ASAP2: variants seen among roughly 807,000 people sequenced by gnomAD.
ASAP2 encodes the protein arf-GAP with SH3 domain, ANK repeat and PH domain-containing protein 2.
A neutral mutation model predicts 131.4 loss-of-function variants in ASAP2; 45 were observed. The ratio of observed to expected loss-of-function variants is 0.34; its 90% CI spans 0.27 to 0.44. The LOEUF is 0.44. ASAP2 is among the 20% of genes least tolerant of loss of function. The pLI, the probability that ASAP2 is intolerant of heterozygous loss-of-function variation, is 1.00. For synonymous variants in ASAP2, 510 were observed against 503.0 expected, an observed-to-expected ratio of 1.01 and a Z score of -0.19; for missense variants, 1,011 against 1,297.0, an observed-to-expected ratio of 0.78 and a Z score of 3.39.
chr2:9,225,085 A>G (rs1429974424), intron 1 of ASAP2, among the ~76,000 whole-genome samples: 1 of 152,252 alleles, frequency 6.6e-6, no homozygotes, highest in South Asian at 2.1e-4. Flanking sequence ...CTGTTTTTGT[A>G]TGCAAAAAGT....
chr2:9,330,241 GAA>G (rs1670743527), intron 7 of ASAP2, among the ~76,000 whole-genome samples: 1 of 152,308 alleles, frequency 6.6e-6, no homozygotes, highest in Middle Eastern at 3.4e-3. Context: ...TTAAAAAAAA[GAA>G]GAGTGAAATC....
chr2:9,218,360 A>C (rs1662198452), intron 1 of ASAP2, among the ~76,000 whole-genome samples: 1 of 152,210 alleles, frequency 6.6e-6, no homozygotes, highest in African/African-American at 2.4e-5. Flanking sequence ...GACCTTGACC[A>C]ATTGGCCTCC....
chr2:9,234,771 G>C (rs573599952), intron 1 of ASAP2, among the ~76,000 whole-genome samples: 1 of 152,212 alleles, frequency 6.6e-6, no homozygotes, highest in Non-Finnish European at 1.5e-5. Flanking sequence ...CTCTGGGGCC[G>C]ATGCACAGGG....
intron 2 of ASAP2, among the ~76,000 whole-genome samples, chr2:9,282,245 A>G (rs569973062): frequency 9.2e-5 from 14 of 152,244 alleles, no homozygotes; most frequent in Admixed American, 9.2e-4. Flanking sequence ...TGTCATGCCA[A>G]GTTTGAGTTA....
intron 19 of ASAP2, among the ~76,000 whole-genome samples, chr2:9,379,268 C>T (rs1033922537): frequency 4.6e-5 from 7 of 152,202 alleles, no homozygotes; most frequent in Non-Finnish European, 1.0e-4. Flanking sequence ...AGACTTTGGG[C>T]GCGTTTACAG....
intron 1 of ASAP2, among the ~76,000 whole-genome samples, chr2:9,258,665 G>A (rs868120341): frequency 1.2e-4 from 18 of 152,268 alleles, no homozygotes; most frequent in Non-Finnish European, 2.4e-4. Flanking sequence ...TTGAGCAGGC[G>A]AAACCCCCGG....
chr2:9,397,402 A>G (rs1033712387), intron 24 of ASAP2, among the ~76,000 whole-genome samples: 10 of 152,162 alleles, frequency 6.6e-5, no homozygotes, highest in African/African-American at 2.4e-4. Flanking sequence ...GACTGGCAGG[A>G]AAAAGGGAAG....
intron 2 of ASAP2, among the ~76,000 whole-genome samples, chr2:9,295,957 T>G (rs190767022): frequency 1.9e-3 from 283 of 152,306 alleles, no homozygotes; most frequent in African/African-American, 6.5e-3. Context: ...AAATGTTCCC[T>G]CGTTTTCCCA....
At chr2:9,362,654 C>A (rs1035582469) in intron 15 of ASAP2, among the ~76,000 whole-genome samples, 1 of 152,078 alleles carries the variant, frequency 6.6e-6, no homozygotes, top group Non-Finnish European at 1.5e-5. Context: ...GCCTGACCAA[C>A]ATAGGGAGAC....
chr2:9,383,680 A>G (rs1675041072), intron 20 of ASAP2, among the ~76,000 whole-genome samples: 3 of 152,210 alleles, frequency 2.0e-5, no homozygotes. Flanking sequence ...CAAGTTCCCT[A>G]ACAAGAACAG....
intron 7 of ASAP2, among the ~76,000 whole-genome samples, chr2:9,330,718 G>A (rs192233877): frequency 6.6e-6 from 1 of 152,184 alleles, no homozygotes; most frequent in Admixed American, 6.5e-5. Flanking sequence ...GAAGTGGGTC[G>A]CTTCCTTGCT....
At chr2:9,260,953 G>A (rs1665537395) in intron 1 of ASAP2, among the ~76,000 whole-genome samples, 1 of 152,162 alleles carries the variant, frequency 6.6e-6, no homozygotes, top group East Asian at 1.9e-4. Flanking sequence ...GGTTAGGGGG[G>A]TTGTGCCTGT....
chr2:9,316,765 T>G (rs928471520), intron 3 of ASAP2, among the ~76,000 whole-genome samples: 1 of 152,100 alleles, frequency 6.6e-6, no homozygotes, highest in Non-Finnish European at 1.5e-5. Context: ...ACCTGTTGGT[T>G]AGGAGGCTTC....
At chr2:9,299,683 G>C (rs973913991) in intron 3 of ASAP2, among the ~76,000 whole-genome samples, 9 of 152,218 alleles carry the variant, frequency 5.9e-5, no homozygotes, top group African/African-American at 2.2e-4. Flanking sequence ...CGACGTAGGA[G>C]ACGGGTGGAG....
intron 1 of ASAP2, among the ~76,000 whole-genome samples, chr2:9,215,484 C>G (rs1661954390): frequency 6.6e-6 from 1 of 151,804 alleles, no homozygotes. Context: ...ATGTTCATAT[C>G]TTTTATTGCA....
intron 1 of ASAP2, chr2:9,271,284 T>A (rs904668814): frequency 3.8e-6 from 3 of 791,664 alleles, no homozygotes; most frequent in Non-Finnish European, 6.8e-6. Context: ...GCCACAAGCA[T>A]TTAAACCCCA....
chr2:9,360,224 T>C (rs1459415828), intron 15 of ASAP2, among the ~76,000 whole-genome samples: 1 of 152,246 alleles, frequency 6.6e-6, no homozygotes. Context: ...TTGTTTATTT[T>C]GTACTATGTA....
At chr2:9,400,263 T>TTCCCCTCCTGCCCC (rs1558405922) in intron 25 of ASAP2, among the ~76,000 whole-genome samples, 191 bp downstream of exon 25, 3 of 29,156 alleles carry the variant, frequency 1.0e-4, no homozygotes, top group Non-Finnish European at 1.9e-4. Flanking sequence ...CCTCCTGCCC[T>TTCCCCTCCTGCCCC]CTTCCTCTCC....
intron 2 of ASAP2, among the ~76,000 whole-genome samples, chr2:9,295,971 T>C (rs1397151591): frequency 6.6e-6 from 1 of 152,172 alleles, no homozygotes; most frequent in African/African-American, 2.4e-5. Flanking sequence ...TTTCCCACAT[T>C]GTCAGGCCCA....
Sources: allele counts gnomAD v4.1 joint callset (sites outside exome capture counted in the v4.1 genomes callset), GRCh38; gene constraint gnomAD v4.1.1; transcripts MANE v1.5; gene names NCBI Gene and HGNC (gene_info 2026-07-23, HGNC 2026-07-21).